Variants in KIAA1671 observed in about 807,000 individuals in gnomAD.
The protein encoded by KIAA1671 is KIAA1671, also known as uncharacterized protein KIAA1671.
KIAA1671 carries 52 observed loss-of-function variants against 131.2 expected under a neutral mutation model. The ratio of observed to expected loss-of-function variants is 0.40; its 90% confidence interval spans 0.32 to 0.50. The LOEUF is 0.50. Among genes scored for constraint, KIAA1671 ranks in the 20% least tolerant of loss-of-function variants. The pLI, the probability that KIAA1671 is intolerant of heterozygous loss-of-function variation, is 0.73. For synonymous variants in KIAA1671, 1,003 were observed against 961.6 expected (o/e 1.04, Z -0.80); for missense variants, 2,360 against 2,364.2 (o/e 1.00, Z 0.04).
intron 1 of KIAA1671, among the ~76,000 whole-genome samples, chr22:24,974,716 G>T: frequency 7.3e-6 from 1 of 136,318 alleles, no homozygotes. Context: ...TTTTGAGACG[G>T]GTGTCTTGCT....
chr22:25,032,696 G>T lies in KIAA1671; in HGVS notation c.1629G>T (p.Lys543Asn). The T allele has an allele frequency of 6.5e-7, 1 of 1,537,264 alleles. No individual in the cohort carries two copies. Among genetic ancestry groups the T allele is most frequent in the South Asian group, 1.2e-5 (1 of 83,242 alleles). Residue 543 changes from lysine (K) to asparagine (N), a missense_variant and splice_region_variant, in exon 4 of 13, where the codon AAG becomes AAT. Physicochemically the swap from Lys to Asn is moderately conservative, Grantham distance 94. Transcript: ENST00000358431. ...SGEFPKEPRE[K>N]QKEGHSLDGA... ...AGTTTCCTAAGGAACCGAGAGAAAA[G>T]GTAAGGAGTGGCTGTGTAGCACGTC... is the stretch of plus-strand genomic sequence containing the variant.
intron 1 of KIAA1671, among the ~76,000 whole-genome samples, chr22:24,974,198 G>A (rs1602037047): frequency 6.6e-6 from 1 of 152,140 alleles, no homozygotes; most frequent in East Asian, 1.9e-4. Flanking sequence ...TAGAACTTCT[G>A]GGTAAGCTGA....
At chr22:25,020,345 A>G (rs1302147292) in intron 1 of KIAA1671, among the ~76,000 whole-genome samples, 3 of 152,202 alleles carry the variant, frequency 2.0e-5, no homozygotes, top group Non-Finnish European at 4.4e-5. Flanking sequence ...GTGGGTCTCA[A>G]AAATGTTGTT....
intron 6 of KIAA1671, among the ~76,000 whole-genome samples, chr22:25,163,184 C>T (rs536520521): frequency 6.6e-6 from 1 of 151,714 alleles, no homozygotes; most frequent in Non-Finnish European, 1.5e-5. Flanking sequence ...AAAAATTAGC[C>T]AGGCATGGTG....
chr22:25,089,457 A>G (rs1298636529), intron 6 of KIAA1671, among the ~76,000 whole-genome samples: 2 of 151,746 alleles, frequency 1.3e-5, no homozygotes, highest in Non-Finnish European at 2.9e-5. Context: ...TATTTTTAGT[A>G]GAGACGGGTT....
chr22:25,012,914 G>C (rs1447423435), intron 1 of KIAA1671: 1 of 152,250 alleles, frequency 6.6e-6, no homozygotes, highest in Non-Finnish European at 1.5e-5. Context: ...TCCTAAAGTC[G>C]TCTTGTGTCC....
intron 6 of KIAA1671, among the ~76,000 whole-genome samples, chr22:25,132,583 T>C (rs1056453868): frequency 3.3e-5 from 5 of 152,160 alleles, no homozygotes; most frequent in African/African-American, 1.2e-4. Flanking sequence ...GTACCTCTTA[T>C]GGGGCTGGTG....
intron 6 of KIAA1671, among the ~76,000 whole-genome samples, chr22:25,085,830 A>G (rs1568946776): frequency 6.6e-6 from 1 of 151,992 alleles, no homozygotes; most frequent in Non-Finnish European, 1.5e-5. Context: ...AGGCTGTTCA[A>G]GAGCAGAGAT....
chr22:25,030,549 AAAAAAC>A (rs928022786), intron 3 of KIAA1671, among the ~76,000 whole-genome samples: 2 of 151,964 alleles, frequency 1.3e-5, no homozygotes, highest in African/African-American at 4.8e-5. Flanking sequence ...AAAAAACACC[AAAAAAC>A]AAAAACAAAA....
intron 1 of KIAA1671, among the ~76,000 whole-genome samples, chr22:24,973,947 G>A (rs1164218933): frequency 6.6e-6 from 1 of 152,112 alleles, no homozygotes; most frequent in East Asian, 1.9e-4. Context: ...GTAGCAAGCC[G>A]GTGCTGAATG....
chr22:25,117,585 CCACACACACA>C lies in KIAA1671; in HGVS notation c.4531-53192_4531-53183del, dbSNP rs4049524. On this transcript the variant is annotated intron_variant, in intron 6 of 12. Transcript: ENST00000358431. ...CAGCAGGGCTCAGCATCTCCCCCAA[CCACACACACA>C]CACACACACACACACACACACACAC... Among the ~76,000 whole-genome samples the C allele has an allele frequency of 5.5e-3, 687 of 123,888 alleles. 2 individuals carry two copies. Among genetic ancestry groups the C allele is most frequent in the South Asian group, 0.01 (36 of 3,544 alleles). 81.3% of individuals were successfully genotyped at this position (123,888 alleles called of 152,430 possible).
intron 1 of KIAA1671, among the ~76,000 whole-genome samples, chr22:24,957,105 G>GTGCTA (rs1271002957): frequency 6.6e-6 from 1 of 152,142 alleles, no homozygotes; most frequent in Non-Finnish European, 1.5e-5. Flanking sequence ...TGCTCTGTAA[G>GTGCTA]GGGTGGTATG....
intron 1 of KIAA1671, among the ~76,000 whole-genome samples, chr22:24,953,542 G>A (rs1031804483): frequency 2.0e-5 from 3 of 152,036 alleles, no homozygotes; most frequent in African/African-American, 7.2e-5. Context: ...ATGGGATTAA[G>A]CCTCAGTCCC....
At chr22:25,016,779 C>T (rs1258946480) in intron 1 of KIAA1671, among the ~76,000 whole-genome samples, 2 of 152,094 alleles carry the variant, frequency 1.3e-5, no homozygotes, top group Admixed American at 6.6e-5. Flanking sequence ...GGTTGTGATG[C>T]ACTTTAGGCC....
chr22:25,108,374 CT>C (rs1931141798), intron 6 of KIAA1671, among the ~76,000 whole-genome samples: 1 of 152,138 alleles, frequency 6.6e-6, no homozygotes, highest in Non-Finnish European at 1.5e-5. Context: ...GAGGACTCAG[CT>C]CTTTCTCAGG....
At chr22:25,066,324 T>G (rs1928474542) in intron 6 of KIAA1671, among the ~76,000 whole-genome samples, 1 of 152,108 alleles carries the variant, frequency 6.6e-6, no homozygotes, top group Non-Finnish European at 1.5e-5. Context: ...AAGTTTTCCA[T>G]TTTTTATAGA....
At chr22:25,116,502 A>G (rs1601329457) in intron 6 of KIAA1671, among the ~76,000 whole-genome samples, 1 of 151,578 alleles carries the variant, frequency 6.6e-6, no homozygotes, top group Non-Finnish European at 1.5e-5. Context: ...GCTCACTGCA[A>G]CCTCCGCCTC....
Position 25,028,169 on chromosome 22 carries a change from C to T in KIAA1671, c.170C>T (p.Pro57Leu), listed in dbSNP as rs953767431. 3.2e-6 allele frequency: 5 copies of T among 1,550,190 alleles called. No homozygotes were observed. Among genetic ancestry groups the T allele is most frequent in the East Asian group, 2.4e-5 (1 of 40,878 alleles). Reference protein sequence around the residue: ...ILEAKSPLRSPARLLPLPRLA... With the variant: ...ILEAKSPLRSLARLLPLPRLA... ...GAAGCGAAGAGCCCCCTGCGGAGCC[C>T]GGCCCGGTTACTCCCTCTGCCAAGG... Residue 57 changes from proline to leucine, a missense_variant, in exon 3 of 13, where the codon CCG (proline) becomes CTG (leucine). Coordinates refer to ENST00000358431, the MANE Select transcript of KIAA1671 (RefSeq NM_001145206.2).
At chr22:24,967,020 A>T (rs555087699) in intron 1 of KIAA1671, among the ~76,000 whole-genome samples, 1 of 152,196 alleles carries the variant, frequency 6.6e-6, no homozygotes, top group Non-Finnish European at 1.5e-5. Context: ...GTTTTAGTCC[A>T]GCTTCTGTGC....
Sources: gnomAD v4.1 joint callset for allele counts (sites outside exome capture counted in the v4.1 genomes callset) on GRCh38, gnomAD v4.1.1 for gene constraint, MANE v1.5 for transcripts, NCBI Gene and HGNC (gene_info 2026-07-23, HGNC 2026-07-21) for gene names.